The following AAK1 variants were observed in gnomAD, a reference collection of about 807,000 sequenced individuals.
AAK1 encodes the protein AP2 associated kinase 1, also known as AP2-associated protein kinase 1.
AAK1 carries 37 observed loss-of-function variants against 116.0 expected under a neutral mutation model. That is an observed-to-expected ratio of 0.32 (90% CI 0.25 to 0.42). The LOEUF (loss-of-function observed/expected upper bound fraction) is 0.42, where lower values mean the gene tolerates loss of function less well. Among genes scored for constraint, AAK1 ranks in the 10% least tolerant of loss-of-function variants. The pLI is 1.00. For missense variants in AAK1, 919 were observed against 1,170.6 expected (o/e 0.79, Z 3.14); for synonymous variants, 458 against 439.9 (o/e 1.04, Z -0.51).
chr2:69,527,152 C>A (rs942120711), intron 9 of AAK1, 64 bp downstream of exon 9: 3 of 1,191,432 alleles, frequency 2.5e-6, no homozygotes, highest in South Asian at 2.6e-5. Flanking sequence ...CTGATTAACA[C>A]CCCAGGAGCT....
At chr2:69,498,858 C>T (rs1436128391) in intron 16 of AAK1, among the ~76,000 whole-genome samples, 3 of 152,236 alleles carry the variant, frequency 2.0e-5, no homozygotes, top group Non-Finnish European at 4.4e-5. Context: ...ATGTGTGATG[C>T]TTACCATTCC....
At chr2:69,520,753 C>G in intron 11 of AAK1, 81 bp downstream of exon 11, 1 of 1,466,714 alleles carries the variant, frequency 6.8e-7, no homozygotes, top group African/African-American at 1.4e-5. Flanking sequence ...AATCCTAAAG[C>G]AAACCAGGCT....
chr2:69,636,239 A>T (rs1434587777), intron 2 of AAK1, among the ~76,000 whole-genome samples: 1 of 152,226 alleles, frequency 6.6e-6, no homozygotes, highest in Non-Finnish European at 1.5e-5. Flanking sequence ...GCAATCAAAA[A>T]TGAACAAGAG....
intron 3 of AAK1, among the ~76,000 whole-genome samples, chr2:69,549,863 T>C (rs994833282): frequency 1.3e-5 from 2 of 152,220 alleles, no homozygotes; most frequent in African/African-American, 4.8e-5. Context: ...ATAAGAACCA[T>C]TTTGGAGCCT....
intron 15 of AAK1, among the ~76,000 whole-genome samples, chr2:69,506,113 G>A (rs1233337417): frequency 1.3e-5 from 2 of 152,282 alleles, no homozygotes; most frequent in Admixed American, 6.5e-5. Context: ...ATAATGAGAC[G>A]TTATGAGGGA....
In AAK1 at chr2:69,514,749, A is replaced by G. The variant is rs982142824; in HGVS notation, c.1498T>C (p.Phe500Leu). The G allele has an allele frequency of 6.3e-7, 1 of 1,581,830 alleles. No individual in the cohort carries two copies. Among genetic ancestry groups the G allele is most frequent in the Non-Finnish European group, 8.6e-7 (1 of 1,162,310 alleles). Residue 500 changes from phenylalanine (F) to leucine (L), a missense_variant and splice_region_variant, in exon 13 of 22, where the codon TTT becomes CTT. Phe to Leu is a conservative substitution (Grantham distance 22). Transcript: ENST00000409085. ...YQQQQAQTQQ[F>L]QAVHPATQKP... ...TGGGTTGCTGGATGTACTGCCTGAA[A>G]CTGAGCAAGAAATGAGGAGATGAAT...
intron 8 of AAK1, among the ~76,000 whole-genome samples, chr2:69,529,209 C>T (rs1488095220): frequency 6.6e-6 from 1 of 152,180 alleles, no homozygotes; most frequent in Non-Finnish European, 1.5e-5. Context: ...ATGTCAGATG[C>T]TCCACCCACA....
intron 9 of AAK1, 27 bp downstream of exon 9, chr2:69,527,189 T>A: frequency 6.7e-7 from 1 of 1,502,440 alleles, no homozygotes; most frequent in Non-Finnish European, 9.2e-7. Context: ...TAATGTTTAC[T>A]CCCTTTAAAT....
chr2:69,621,392 T>C (rs1674620163), intron 2 of AAK1, among the ~76,000 whole-genome samples: 1 of 151,526 alleles, frequency 6.6e-6, no homozygotes, highest in African/African-American at 2.4e-5. Context: ...GGCAGAAGAA[T>C]CGCTTGAAAA....
chr2:69,490,708 C>G (rs1366778870), intron 17 of AAK1, among the ~76,000 whole-genome samples: 1 of 151,818 alleles, frequency 6.6e-6, no homozygotes, highest in Non-Finnish European at 1.5e-5. Context: ...TTCAGTTTCA[C>G]AAGTTGAAAA....
chr2:69,526,035 T>G (rs1338895543), intron 9 of AAK1, among the ~76,000 whole-genome samples: 1 of 152,136 alleles, frequency 6.6e-6, no homozygotes, highest in Admixed American at 6.5e-5. Flanking sequence ...CTAGAAAACT[T>G]CTAGCACTTC....
intron 2 of AAK1, among the ~76,000 whole-genome samples, chr2:69,589,894 T>C (rs1419799370): frequency 1.3e-5 from 2 of 151,912 alleles, no homozygotes; most frequent in African/African-American, 2.4e-5. Flanking sequence ...TACTTTGTTT[T>C]AAGGTAGCTC....
At chr2:69,572,930 G>A (rs1672149559) in intron 2 of AAK1, among the ~76,000 whole-genome samples, 1 of 152,146 alleles carries the variant, frequency 6.6e-6, no homozygotes, top group Non-Finnish European at 1.5e-5. Flanking sequence ...GCTCTCAGTG[G>A]AAGCTCCAGC....
In AAK1 at chr2:69,468,715, C is replaced by T; in HGVS notation, c.*7154G>A. On this transcript the variant is annotated 3_prime_UTR_variant, in exon 22 of 22. Transcript: ENST00000409085. The stretch of plus-strand genomic sequence containing the variant: ...GGCAAAAAAGCAGCTATCTATTGAA[C>T]CAGGGGCACTTTGGATGCCTGAAGT... The T allele has an allele frequency of 4.1e-6, 4 of 985,324 alleles. No homozygotes were observed. Among genetic ancestry groups the T allele is most frequent in the South Asian group, 4.7e-5 (1 of 21,280 alleles). The allele number at this position is 985,324 out of a possible 1,614,324, so 61.0% of individuals were successfully genotyped here.
intron 2 of AAK1, 96 bp downstream of exon 2, chr2:69,642,782 T>C (rs898652695): frequency 1.0e-5 from 16 of 1,536,990 alleles, no homozygotes; most frequent in African/African-American, 4.1e-5. Context: ...GAGGGTCAAC[T>C]GGTCAAAGCC....
At chr2:69,587,389 A>G (rs1275531202) in intron 2 of AAK1, among the ~76,000 whole-genome samples, 1 of 126,320 alleles carries the variant, frequency 7.9e-6, no homozygotes, top group Non-Finnish European at 1.6e-5. Context: ...ATATACACAC[A>G]CGTGTGTACA....
At chr2:69,477,413 T>G (rs1453068097) in intron 20 of AAK1, among the ~76,000 whole-genome samples, 3 of 152,018 alleles carry the variant, frequency 2.0e-5, no homozygotes, top group Admixed American at 2.0e-4. Context: ...AGAGAATTGG[T>G]GGCTCTTTAA....
chr2:69,529,593 T>C (rs985264766), intron 8 of AAK1, among the ~76,000 whole-genome samples: 3 of 152,224 alleles, frequency 2.0e-5, no homozygotes, highest in African/African-American at 4.8e-5. Context: ...CGGAGTTATA[T>C]AGTCTTAATT....
chr2:69,639,849 G>C (rs1675624603), intron 2 of AAK1, among the ~76,000 whole-genome samples: 1 of 152,108 alleles, frequency 6.6e-6, no homozygotes, highest in South Asian at 2.1e-4. Context: ...ACAGAGAAGA[G>C]AGTCCAGGGA....
Sources: gnomAD v4.1 joint callset for allele counts (sites outside exome capture counted in the v4.1 genomes callset) on GRCh38, gnomAD v4.1.1 for gene constraint, MANE v1.5 for transcripts, NCBI Gene and HGNC (gene_info 2026-07-23, HGNC 2026-07-21) for gene names.